The following LCORL variants were observed in gnomAD, a reference collection of about 807,000 sequenced individuals.
LCORL encodes the protein ligand-dependent nuclear receptor corepressor-like protein.
A neutral mutation model predicts 141.8 loss-of-function variants in LCORL; 41 were observed. The observed-to-expected ratio is 0.29, with a 90% CI of 0.23 to 0.38. LCORL has a LOEUF of 0.38. Ranked by LOEUF, LCORL falls within the 10% of genes least tolerant of loss-of-function variation. LCORL has a pLI of 1.00. For missense variants in LCORL, 1,759 were observed against 2,035.0 expected, an observed-to-expected ratio of 0.86 and a Z score of 2.61; for synonymous variants, 618 against 694.1, an observed-to-expected ratio of 0.89 and a Z score of 1.72.
rs11947546 is a variant in LCORL, at chr4:17,995,420, T to C, written c.155-22535A>G. On this transcript the variant is annotated intron_variant, in intron 1 of 7. Coordinates refer to ENST00000635767, the Ensembl canonical transcript of LCORL. ...CTGTGCTGCTAAATATCCAAAACAA[T>C]TCACAATAAAAGAGAATTCACCGGC... Among the ~76,000 whole-genome samples the C allele has an allele frequency of 5.5e-3, 830 of 152,060 alleles. 5 individuals are homozygous for C. The highest frequency in any genetic ancestry group is 0.019 in the African/African-American group (797 of 41,506).
At chr4:17,975,403 T>G (rs905743387) in intron 1 of LCORL, among the ~76,000 whole-genome samples, 4 of 145,462 alleles carry the variant, frequency 2.7e-5, no homozygotes, top group Non-Finnish European at 6.1e-5. Flanking sequence ...AATTCTTTTG[T>G]TTTTTTTTTT....
At chr4:17,857,180 T>C (rs1422658891) in intron 7 of LCORL, among the ~76,000 whole-genome samples, 2 of 152,006 alleles carry the variant, frequency 1.3e-5, no homozygotes, top group Non-Finnish European at 2.9e-5. Context: ...CTTGGAAATA[T>C]TCCTGAGTTG....
chr4:17,895,608 A>G (rs1404309919), intron 5 of LCORL, among the ~76,000 whole-genome samples: 1 of 152,188 alleles, frequency 6.6e-6, no homozygotes, highest in Non-Finnish European at 1.5e-5. Flanking sequence ...ACAATTCAGC[A>G]GTTTTCTCTG....
intron 1 of LCORL, among the ~76,000 whole-genome samples, chr4:18,012,016 T>C (rs34497096): frequency 0.13 from 19,292 of 152,228 alleles, 1,359 homozygotes; most frequent in South Asian, 0.26. Flanking sequence ...GTGTAAACAG[T>C]AAGCTTTTTG....
chr4:17,958,436 T>C (rs1713112629), intron 4 of LCORL, among the ~76,000 whole-genome samples: 1 of 151,958 alleles, frequency 6.6e-6, no homozygotes, highest in Admixed American at 6.6e-5. Context: ...AGATGAGACA[T>C]CTTCCTGAAT....
chr4:17,934,289 G>A (rs1412182118), intron 4 of LCORL, among the ~76,000 whole-genome samples: 1 of 152,066 alleles, frequency 6.6e-6, no homozygotes, highest in African/African-American at 2.4e-5. Context: ...AATGAAAGGT[G>A]TTCTTGGTGA....
intron 7 of LCORL, among the ~76,000 whole-genome samples, chr4:17,846,794 T>A (rs1214241592): frequency 1.3e-5 from 2 of 152,286 alleles, no homozygotes; most frequent in Non-Finnish European, 2.9e-5. Context: ...AACCAAACCT[T>A]TACCCATGCC....
intron 7 of LCORL, among the ~76,000 whole-genome samples, chr4:17,862,618 T>C (rs1053449214): frequency 1.3e-5 from 2 of 152,008 alleles, no homozygotes; most frequent in African/African-American, 4.8e-5. Flanking sequence ...AAACAAGCAA[T>C]AGAAAAAGAA....
intron 7 of LCORL, among the ~76,000 whole-genome samples, chr4:17,847,884 A>C (rs1047631110): frequency 2.0e-5 from 3 of 152,220 alleles, no homozygotes; most frequent in Non-Finnish European, 2.9e-5. Context: ...AATTATATTA[A>C]TCAAGATAGC....
chr4:17,924,032 G>A (rs868229778), intron 4 of LCORL, among the ~76,000 whole-genome samples: 2 of 151,884 alleles, frequency 1.3e-5, no homozygotes, highest in African/African-American at 2.4e-5. Flanking sequence ...ATGGCCAGAC[G>A]TGTGATTATA....
intron 5 of LCORL, among the ~76,000 whole-genome samples, chr4:17,890,777 T>G (rs13103931): frequency 0.13 from 19,089 of 152,106 alleles, 1,316 homozygotes; most frequent in South Asian, 0.24. Flanking sequence ...GTTTCAAAAA[T>G]TGAAGTCATG....
intron 1 of LCORL, among the ~76,000 whole-genome samples, chr4:17,988,212 T>A (rs1719344628): frequency 6.6e-6 from 1 of 152,232 alleles, no homozygotes; most frequent in Non-Finnish European, 1.5e-5. Context: ...CCCAGCCATG[T>A]GGAACTGTAA....
chr4:17,880,507 T>C (rs1335066530), intron 6 of LCORL: 3 of 952,460 alleles, frequency 3.1e-6, no homozygotes, highest in African/African-American at 1.8e-5. Context: ...CACTAGAAAC[T>C]TGTTGGAATA....
intron 1 of LCORL, among the ~76,000 whole-genome samples, chr4:18,002,450 A>T (rs1722132281): frequency 6.6e-6 from 1 of 152,104 alleles, no homozygotes; most frequent in South Asian, 2.1e-4. Context: ...TTTTTGGTTT[A>T]TAACTAAACC....
At chr4:17,993,777 T>C (rs1401262598) in intron 1 of LCORL, among the ~76,000 whole-genome samples, 1 of 151,860 alleles carries the variant, frequency 6.6e-6, no homozygotes, top group Non-Finnish European at 1.5e-5. Flanking sequence ...AAGAAAAGAA[T>C]GAAGACAGGA....
chr4:17,955,731 G>A (rs7684221), intron 4 of LCORL, among the ~76,000 whole-genome samples: 36,025 of 151,898 alleles, frequency 0.24, 5,436 homozygotes, highest in African/African-American at 0.43. Flanking sequence ...GAGTAAGTGT[G>A]TAGTAAAAGA....
Position 17,893,385 on chromosome 4 carries a change from T to C in LCORL, c.683-7224A>G, listed in dbSNP as rs745787291. 51 of 966,612 alleles carry C rather than the reference T, an allele frequency of 5.3e-5. No homozygotes were observed. In the African/African-American group the frequency reaches 8.3e-4, roughly 16 times the overall value. The allele number at this position is 966,612 out of a possible 1,614,324, so 59.9% of individuals were successfully genotyped here. ...ATTGAGCTAAGTAAATGAATTTAAG[T>C]ATTAAAATGATTCTGCAGAAAAATA... On this transcript the variant is annotated intron_variant, in intron 5 of 7. Coordinates refer to ENST00000635767, the Ensembl canonical transcript of LCORL.
chr4:17,919,700 T>TAC (rs1432049877), intron 4 of LCORL, among the ~76,000 whole-genome samples: 1 of 152,210 alleles, frequency 6.6e-6, no homozygotes. Context: ...CAGCCCTTGT[T>TAC]ACAGTCTTTT....
intron 4 of LCORL, among the ~76,000 whole-genome samples, chr4:17,922,213 A>C (rs780121672): frequency 6.6e-6 from 1 of 152,196 alleles, no homozygotes; most frequent in African/African-American, 2.4e-5. Flanking sequence ...TTCTAGAGGA[A>C]TAGAACTTTA....
Sources: gnomAD v4.1 joint callset for allele counts (sites outside exome capture counted in the v4.1 genomes callset) on GRCh38, gnomAD v4.1.1 for gene constraint, MANE v1.5 for transcripts, NCBI Gene and HGNC (gene_info 2026-07-23, HGNC 2026-07-21) for gene names.